Variants in ENTREP2 observed in about 807,000 individuals in gnomAD.
The protein encoded by ENTREP2 is protein ENTREP2.
chr15:29,505,912 T>C, the ENTREP2 span, among the ~76,000 whole-genome samples: 1 of 151,410 alleles, frequency 6.6e-6, no homozygotes, highest in Non-Finnish European at 1.5e-5. The surrounding 1 kb of genome is among the most constrained non-coding windows in gnomAD (Gnocchi z 4.3). Flanking sequence ...GAGAATGAGT[T>C]TGATGAACTG....
chr15:29,441,253 G>A, the ENTREP2 span, among the ~76,000 whole-genome samples: 2,368 of 152,250 alleles, frequency 0.016, 71 homozygotes, highest in African/African-American at 0.053. Context: ...AGGTACCTAC[G>A]GTAGTCAAAT....
the ENTREP2 span, among the ~76,000 whole-genome samples, chr15:29,474,535 G>A: frequency 6.6e-6 from 1 of 152,118 alleles, no homozygotes; most frequent in African/African-American, 2.4e-5. Flanking sequence ...TGGCCACACA[G>A]TTCAAGGTCA....
At chr15:29,389,609 G>A in the ENTREP2 span, among the ~76,000 whole-genome samples, 46 of 152,350 alleles carry the variant, frequency 3.0e-4, no homozygotes, top group African/African-American at 1.1e-3. Context: ...ACACTGTGAT[G>A]CTCGAGGGCC....
the ENTREP2 span, among the ~76,000 whole-genome samples, chr15:29,321,866 T>C: frequency 6.6e-6 from 1 of 151,970 alleles, no homozygotes; most frequent in South Asian, 2.1e-4. Context: ...ACATCACTAA[T>C]GAATGCTGGG....
At chr15:29,221,601 A>C in the ENTREP2 span, among the ~76,000 whole-genome samples, 2 of 152,242 alleles carry the variant, frequency 1.3e-5, no homozygotes, top group South Asian at 4.1e-4. Context: ...TTATCACACG[A>C]GAGACATGGA....
chr15:29,495,737 A>G, the ENTREP2 span, among the ~76,000 whole-genome samples: 1 of 151,904 alleles, frequency 6.6e-6, no homozygotes, highest in Non-Finnish European at 1.5e-5. Flanking sequence ...GGGTTTATTT[A>G]TGGGCTTTCT....
chr15:29,405,218 G>A, the ENTREP2 span, among the ~76,000 whole-genome samples: 1 of 151,996 alleles, frequency 6.6e-6, no homozygotes, highest in Non-Finnish European at 1.5e-5. Flanking sequence ...GTGAAACCCT[G>A]CCTCTACTAA....
chr15:29,316,783 C>T, the ENTREP2 span, among the ~76,000 whole-genome samples: 14 of 152,278 alleles, frequency 9.2e-5, no homozygotes, highest in African/African-American at 3.1e-4. Flanking sequence ...TACTTAGTCA[C>T]ACAGCCAGTT....
At chr15:29,438,516 T>G in the ENTREP2 span, among the ~76,000 whole-genome samples, 13 of 152,058 alleles carry the variant, frequency 8.5e-5, no homozygotes, top group African/African-American at 3.1e-4. Flanking sequence ...AGAGTGTAGC[T>G]GGAAATGCCG....
the ENTREP2 span, among the ~76,000 whole-genome samples, chr15:29,633,228 CAT>C: frequency 6.6e-6 from 1 of 152,130 alleles, no homozygotes; most frequent in East Asian, 1.9e-4. Context: ...AGGATGACAA[CAT>C]GTGTCAGGTC....
the ENTREP2 span, among the ~76,000 whole-genome samples, chr15:29,415,514 C>T: frequency 1.3e-5 from 2 of 152,038 alleles, no homozygotes; most frequent in Non-Finnish European, 2.9e-5. Flanking sequence ...ATAATAAGAG[C>T]TATCTATGAC....
At chr15:29,561,462 C>A in the ENTREP2 span, among the ~76,000 whole-genome samples, 3 of 151,964 alleles carry the variant, frequency 2.0e-5, no homozygotes, top group African/African-American at 4.8e-5. Flanking sequence ...CTGAGGCAGG[C>A]CGATCACGAG....
At chr15:29,118,035 A>G in the ENTREP2 span, 15,687 of 152,594 alleles carry the variant, frequency 0.1, 1,152 homozygotes, top group East Asian at 0.21. Context: ...CCCCTTGGCC[A>G]GCGTGGCGCA....
the ENTREP2 span, among the ~76,000 whole-genome samples, chr15:29,134,433 G>A: frequency 4.6e-5 from 7 of 152,282 alleles, no homozygotes; most frequent in African/African-American, 1.4e-4. Flanking sequence ...GTTTCAGGGT[G>A]GCTGCTTGGG....
chr15:29,656,259 T>C, the ENTREP2 span, among the ~76,000 whole-genome samples: 1 of 151,618 alleles, frequency 6.6e-6, no homozygotes. Flanking sequence ...AGAGTCTCAC[T>C]CTGTCACCCA....
the ENTREP2 span, among the ~76,000 whole-genome samples, chr15:29,649,388 A>G: frequency 6.6e-6 from 1 of 152,126 alleles, no homozygotes; most frequent in Non-Finnish European, 1.5e-5. Context: ...TTTACATACA[A>G]TTTATTTCAG....
chr15:29,594,584 T>TC, the ENTREP2 span, among the ~76,000 whole-genome samples: 1 of 151,696 alleles, frequency 6.6e-6, no homozygotes. Flanking sequence ...AACATAGGAG[T>TC]CACTCATGAA....
At chr15:29,438,052 C>T in the ENTREP2 span, among the ~76,000 whole-genome samples, 2 of 152,208 alleles carry the variant, frequency 1.3e-5, no homozygotes, top group African/African-American at 2.4e-5. Flanking sequence ...TCAAACTCAG[C>T]AGCTCCAGCC....
chr15:29,226,488 C>A, the ENTREP2 span, among the ~76,000 whole-genome samples: 4 of 152,136 alleles, frequency 2.6e-5, no homozygotes, highest in Non-Finnish European at 5.9e-5. Context: ...CAAGAGAGGC[C>A]AAAACTATCC....
Sources: gnomAD v4.1 joint callset for allele counts (sites outside exome capture counted in the v4.1 genomes callset) on GRCh38, gnomAD v4.1.1 for gene constraint, Gnocchi (gnomAD v3.1) non-coding constraint, MANE v1.5 for transcripts, NCBI Gene and HGNC (gene_info 2026-07-23, HGNC 2026-07-21) for gene names.